Variants in PEX11A observed in about 807,000 individuals in gnomAD.
PEX11A encodes the protein peroxisomal biogenesis factor 11 alpha.
Under a neutral mutation model 14.4 loss-of-function variants are expected in PEX11A, and 13 were observed. The observed-to-expected ratio is 0.90, with a 90% CI of 0.59 to 1.43. PEX11A has a LOEUF of 1.43. Ranked by LOEUF, PEX11A falls within the 40% of genes most tolerant of loss-of-function variation. PEX11A has a pLI of 0.00. For synonymous variants in PEX11A, 101 were observed against 113.0 expected (o/e 0.89, Z 0.67); for missense variants, 290 against 302.8 (o/e 0.96, Z 0.31).
At position 89,690,499 on chromosome 15, in the gene PEX11A, T is replaced by C. The variant is rs189974273; in HGVS notation, c.56+78A>G. 1,009 of 1,109,066 alleles carry C rather than the reference T, an allele frequency of 9.1e-4. 5 individuals are homozygous for C. The highest frequency in any genetic ancestry group is 5.0e-3 in the African/African-American group (322 of 64,194). 68.7% of individuals were successfully genotyped at this position (1,109,066 alleles called of 1,614,324 possible). On this transcript the variant is annotated intron_variant, in intron 1 of 2. Coordinates refer to ENST00000300056, the MANE Select transcript of PEX11A (RefSeq NM_003847.3). ...CCATCTACTAGGCTATCACCTCCTT[T>C]TTCCCGGGTGCAGGGGAATAGGCAC... is the stretch of plus-strand genomic sequence containing the variant.
chr15:89,687,426 G>T lies in PEX11A; in HGVS notation c.57-880C>A, dbSNP rs768724802. Among the ~76,000 whole-genome samples, 5 of 152,150 alleles carry T rather than the reference G, an allele frequency of 3.3e-5. No homozygotes were observed. In the South Asian group the frequency reaches 1.0e-3, roughly 32 times the overall value. ...CATAGTTGTCTTTCAAAACTTATTC[G>T]TATTTTACATAAAATACAGGCAGAA... On this transcript the variant is annotated intron_variant, in intron 1 of 2. Coordinates refer to ENST00000300056, the MANE Select transcript of PEX11A (RefSeq NM_003847.3).
At position 89,690,603 on chromosome 15, in the gene PEX11A, C is replaced by G; in HGVS notation, c.30G>C (p.Gln10His). The G allele has an allele frequency of 6.4e-7, 1 of 1,551,426 alleles. No homozygotes were observed. The highest frequency in any genetic ancestry group is 8.7e-7 in the Non-Finnish European group (1 of 1,146,916). Residue 10 changes from glutamine to histidine, a missense_variant, in exon 1 of 3, where the codon CAG (glutamine) becomes CAC (histidine). Physicochemically the swap from Gln to His is conservative, Grantham distance 24. Transcript: ENST00000300056. ...TGAAGAGTCGGTCCCGGCCCTGGGT[C>G]TGGTTGGTGAAGCGGGTGAAGGCGT... MDAFTRFTNQTQGRDRLFRA... is the reference protein window; with the variant it reads MDAFTRFTNHTQGRDRLFRA...
Position 89,690,659 on chromosome 15 carries a change from G to A in PEX11A, c.-27C>T, listed in dbSNP as rs199714756. On this transcript the variant is annotated 5_prime_UTR_variant, in exon 1 of 3. Transcript: ENST00000300056. ...GCTTCTAGCCCAAAGGCCACGAGTCGCACGGGGCTCAGGCGTGGGTCCTCT... is the reference window on the plus strand; with the variant it reads ...GCTTCTAGCCCAAAGGCCACGAGTCACACGGGGCTCAGGCGTGGGTCCTCT... The A allele has an allele frequency of 7.8e-6, 12 of 1,540,712 alleles. No individual in the cohort carries two copies. The South Asian group carries it at 9.5e-5, about 12-fold the overall frequency.
chr15:89,690,220 C>G (rs57048072), intron 1 of PEX11A, among the ~76,000 whole-genome samples: 124 of 152,336 alleles, frequency 8.1e-4, no homozygotes, highest in Middle Eastern at 3.4e-3. Context: ...AAGGAGATCC[C>G]TCGGAAGAAT....
chr15:89,689,330 G>T (rs1315161075), intron 1 of PEX11A, among the ~76,000 whole-genome samples: 2 of 152,120 alleles, frequency 1.3e-5, no homozygotes, highest in Admixed American at 6.5e-5. Context: ...TGTGATGAGG[G>T]TTATATAAGT....
chr15:89,690,681 C>G lies in PEX11A; in HGVS notation c.-49G>C. 1 of 1,397,292 alleles carries G rather than the reference C, an allele frequency of 7.2e-7. No individual in the cohort carries two copies. The highest frequency in any genetic ancestry group is 9.9e-7 in the Non-Finnish European group (1 of 1,009,328). The allele number at this position is 1,397,292 out of a possible 1,614,324, so 86.6% of individuals were successfully genotyped here. ...GTCGCACGGGGCTCAGGCGTGGGTC[C>G]TCTGGGGCCCGTCGGATCCCCAGGG... is the stretch of plus-strand genomic sequence containing the variant. On this transcript the variant is annotated 5_prime_UTR_variant, in exon 1 of 3. Transcript: ENST00000300056.
chr15:89,683,759 G>A lies in PEX11A; in HGVS notation c.362C>T (p.Thr121Met), dbSNP rs764757539. 43 of 1,613,978 alleles carry A rather than the reference G, an allele frequency of 2.7e-5. No individual in the cohort carries two copies. Among genetic ancestry groups the A allele is most frequent in the South Asian group, 4.4e-5 (4 of 91,080 alleles). The change falls in exon 3 of 3, where the codon ACG (threonine) becomes ATG (methionine). Residue 121 changes from threonine to methionine, a missense_variant. Transcript: ENST00000300056. ...TSGINKEKWR[T>M]RAAHHYYYSL... ...ATAGTAGTAGTGGTGAGCAGCCCTC[G>A]TTCGCCATTTCTCTTTGTTGATGCC...
In PEX11A at chr15:89,683,850, G is replaced by T; in HGVS notation, c.271C>A (p.Leu91Met). The T allele has an allele frequency of 6.2e-7, 1 of 1,614,024 alleles. No homozygotes were observed. Among genetic ancestry groups the T allele is most frequent in the East Asian group, 2.2e-5 (1 of 44,890 alleles). The change falls in exon 3 of 3, where the codon CTG (leucine) becomes ATG (methionine). Residue 91 changes from leucine to methionine, a missense_variant. Leu to Met is a conservative substitution (Grantham distance 15, BLOSUM62 2). Coordinates refer to ENST00000300056, the MANE Select transcript of PEX11A (RefSeq NM_003847.3). ...VPRLCLTLAN[L>M]NRVIYFICDT... ...CAGATGAAATAAATCACACGGTTCA[G>T]GTTGGCTAATGTTAAGCATAAGCGA...
At chr15:89,687,104 A>T (rs1252770755) in intron 1 of PEX11A, among the ~76,000 whole-genome samples, 1 of 151,960 alleles carries the variant, frequency 6.6e-6, no homozygotes, top group Non-Finnish European at 1.5e-5. Flanking sequence ...TTGTATTTTT[A>T]ATAGACACGG....
In PEX11A at chr15:89,683,587, T is replaced by C. The variant is rs760599419; in HGVS notation, c.534A>G (p.Gln178=). 82 of 1,613,998 alleles carry C rather than the reference T, an allele frequency of 5.1e-5. No individual in the cohort carries two copies. Among genetic ancestry groups the C allele is most frequent in the African/African-American group, 9.3e-5 (7 of 74,918 alleles). ...ATCGGAATAAAAGAAGTAGAAAGGATTGGAGCCATTCTGTTTCCTCCTCAG... is the reference window on the plus strand; with the variant it reads ...ATCGGAATAAAAGAAGTAGAAAGGACTGGAGCCATTCTGTTTCCTCCTCAG... The part of the protein sequence containing the change: ...SVAEEETEWL[Q]SFLLLLFRSL... Residue 178 remains glutamine (Q), a synonymous_variant, in exon 3 of 3, where the codon CAA becomes CAG. Transcript: ENST00000300056.
At chr15:89,684,927 C>T (rs181173749) in intron 2 of PEX11A, among the ~76,000 whole-genome samples, 25 of 152,156 alleles carry the variant, frequency 1.6e-4, no homozygotes, top group Admixed American at 6.5e-5. Context: ...CGGTGGCTTA[C>T]GCCTGTAATC....
intron 1 of PEX11A, among the ~76,000 whole-genome samples, chr15:89,689,246 C>T (rs898832019): frequency 2.2e-4 from 33 of 152,142 alleles, no homozygotes; most frequent in Non-Finnish European, 4.1e-4. Context: ...CATTGTAGTA[C>T]CTATTAACCT....
rs562275577 is a variant in PEX11A, at chr15:89,683,641, T to A, written c.480A>T (p.Ala160=). 89 of 1,614,188 alleles carry A rather than the reference T, an allele frequency of 5.5e-5. No individual in the cohort carries two copies. The South Asian group carries it at 6.3e-4, about 11-fold the overall frequency. The change falls in exon 3 of 3, where the codon GCA becomes GCT. Residue 160 remains alanine (A), a synonymous_variant. Coordinates refer to ENST00000300056, the MANE Select transcript of PEX11A (RefSeq NM_003847.3). The part of the protein sequence containing the change: ...TCDRAKKEKS[A]SQDPLWFSVA... Reference sequence around the variant, plus strand: ...CGCTGAACCAAAGAGGATCCTGGGATGCTGATTTCTCTTTCTTTGCCCTGT... The same window carrying A: ...CGCTGAACCAAAGAGGATCCTGGGAAGCTGATTTCTCTTTCTTTGCCCTGT...
At chr15:89,688,960 C>A (rs1964732610) in intron 1 of PEX11A, among the ~76,000 whole-genome samples, 1 of 152,016 alleles carries the variant, frequency 6.6e-6, no homozygotes, top group African/African-American at 2.4e-5. Context: ...GTGATCCGCC[C>A]ACCTCAGCCT....
chr15:89,683,565 G>A lies in PEX11A; in HGVS notation c.556C>T (p.Arg186Ter), dbSNP rs540530166. Reference sequence around the variant, plus strand: ...AAGGGAGGATGCTGCTTCAGAGATCGGAATAAAAGAAGTAGAAAGGATTGG... The same window carrying A: ...AAGGGAGGATGCTGCTTCAGAGATCAGAATAAAAGAAGTAGAAAGGATTGG... ...WLQSFLLLLF[R>*]SLKQHPPLLL... The change falls in exon 3 of 3, where the codon CGA becomes TGA. Residue 186 changes from arginine (R) to a stop codon, truncating the protein, a stop_gained. Transcript: ENST00000300056. LOFTEE classifies it high-confidence loss of function. The A allele has an allele frequency of 6.9e-5, 111 of 1,614,160 alleles. No homozygotes were observed. Among genetic ancestry groups the A allele is most frequent in the Non-Finnish European group, 8.1e-5 (96 of 1,179,996 alleles).
chr15:89,687,383 T>C (rs760695735), intron 1 of PEX11A, among the ~76,000 whole-genome samples: 1 of 152,200 alleles, frequency 6.6e-6, no homozygotes. Context: ...AGTACATAAA[T>C]TAGTATAAAT....
chr15:89,685,073 G>A (rs944082306), intron 2 of PEX11A, among the ~76,000 whole-genome samples: 5 of 151,638 alleles, frequency 3.3e-5, no homozygotes, highest in Admixed American at 2.0e-4. Context: ...GCATATTGGC[G>A]CATGCCTGTA....
intron 1 of PEX11A, among the ~76,000 whole-genome samples, chr15:89,688,707 T>C (rs1964720454): frequency 6.8e-6 from 1 of 146,294 alleles, no homozygotes; most frequent in Admixed American, 6.8e-5. Flanking sequence ...ATGATGATTA[T>C]TATTTTTAAT....
rs762312337 is a variant in PEX11A at position 89,683,772 on chromosome 15, C to G, written c.349G>C (p.Glu117Gln). ...TGAGCAGCCCTCGTTCGCCATTTCT[C>G]TTTGTTGATGCCAGAGGTGAGACCT... Reference protein sequence around the residue: ...SVGLTSGINKEKWRTRAAHHY... With the variant: ...SVGLTSGINKQKWRTRAAHHY... Residue 117 changes from glutamate (E) to glutamine (Q), a missense_variant, in exon 3 of 3, where the codon GAG (glutamate) becomes CAG (glutamine). Glu to Gln is a conservative substitution (Grantham distance 29, BLOSUM62 2). Transcript: ENST00000300056. 1.2e-6 allele frequency: 2 copies of G among 1,614,166 alleles called. No individual in the cohort carries two copies.
Sources: allele counts gnomAD v4.1 joint callset (sites outside exome capture counted in the v4.1 genomes callset), GRCh38; gene constraint gnomAD v4.1.1; transcripts MANE v1.5; gene names NCBI Gene and HGNC (gene_info 2026-07-23, HGNC 2026-07-21).